Variants in ERI1 observed in about 807,000 individuals in gnomAD.
ERI1 encodes the protein 3'-5' exoribonuclease 1.
ERI1 carries 39 observed loss-of-function variants against 39.7 expected under a neutral mutation model. The ratio of observed to expected loss-of-function variants is 0.98; its 90% confidence interval spans 0.76 to 1.28. ERI1 has a LOEUF of 1.28. ERI1 is among the 50% of genes most tolerant of loss of function. The pLI, the probability that ERI1 is intolerant of heterozygous loss-of-function variation, is 0.00. For synonymous variants in ERI1, 204 were observed against 149.6 expected (o/e 1.36, Z -2.65); for missense variants, 581 against 416.9 (o/e 1.39, Z -3.43).
intron 1 of ERI1, among the ~76,000 whole-genome samples, chr8:9,007,540 C>A (rs572311533): frequency 1.4e-4 from 21 of 152,270 alleles, no homozygotes; most frequent in Non-Finnish European, 2.1e-4. Context: ...CACATAATCT[C>A]ATTTAATCTT....
At chr8:9,015,532 C>G (rs1421458770) in intron 3 of ERI1, among the ~76,000 whole-genome samples, 3 of 151,748 alleles carry the variant, frequency 2.0e-5, no homozygotes, top group Non-Finnish European at 2.9e-5. Context: ...ACCATCCTGG[C>G]TAACATGGTG....
chr8:9,028,572 C>T (rs1345444385), intron 6 of ERI1, among the ~76,000 whole-genome samples: 2 of 152,054 alleles, frequency 1.3e-5, no homozygotes, highest in African/African-American at 2.4e-5. Flanking sequence ...GTACAAACTA[C>T]AGAATGTAAA....
At chr8:9,003,279 C>T (rs548979257) in intron 1 of ERI1, 108 bp downstream of exon 1, 1 of 618,726 alleles carries the variant, frequency 1.6e-6, no homozygotes, top group South Asian at 8.6e-5. Context: ...AGCTGTGCGC[C>T]CTTGGACCCC....
intron 2 of ERI1, among the ~76,000 whole-genome samples, chr8:9,010,503 T>G (rs1252632759): frequency 6.6e-6 from 1 of 152,178 alleles, no homozygotes; most frequent in Non-Finnish European, 1.5e-5. Context: ...ATTATTACTA[T>G]TTTCATGGGT....
chr8:9,019,396 C>T (rs1216430641), intron 5 of ERI1, among the ~76,000 whole-genome samples: 1 of 152,110 alleles, frequency 6.6e-6, no homozygotes, highest in Non-Finnish European at 1.5e-5. Context: ...GTTTATGGAC[C>T]TCTTTAGAAA....
At chr8:9,061,893 G>T (rs1035437103) in intron 3 of ERI1, among the ~76,000 whole-genome samples, 1 of 151,736 alleles carries the variant, frequency 6.6e-6, no homozygotes, top group Admixed American at 6.6e-5. Context: ...CTGGGATGAA[G>T]GGTGCAAAGG....
intron 3 of ERI1, among the ~76,000 whole-genome samples, chr8:9,062,951 G>C (rs1261558421): frequency 6.6e-6 from 1 of 152,148 alleles, no homozygotes; most frequent in Non-Finnish European, 1.5e-5. Flanking sequence ...CTGCGGTTCA[G>C]GTGTTTGGAG....
At chr8:9,042,451 C>A (rs1308079220) in intron 3 of ERI1, among the ~76,000 whole-genome samples, 2 of 152,182 alleles carry the variant, frequency 1.3e-5, no homozygotes, top group East Asian at 3.8e-4. Context: ...AACTGCTACG[C>A]CCTCTCCCGC....
chr8:9,090,579 G>A (rs962398461), intron 3 of ERI1, among the ~76,000 whole-genome samples: 5 of 152,112 alleles, frequency 3.3e-5, no homozygotes, highest in Non-Finnish European at 1.5e-5. Context: ...GTTTTTAAAT[G>A]GAAAAAGTTA....
intron 3 of ERI1, chr8:9,096,814 T>C (rs1643003919): frequency 7.0e-6 from 1 of 143,154 alleles, no homozygotes; most frequent in South Asian, 2.4e-4. Flanking sequence ...ACTTTTGGGC[T>C]CAAGCAATGC....
chr8:9,054,605 T>C (rs1337909180), intron 3 of ERI1, among the ~76,000 whole-genome samples: 1 of 152,162 alleles, frequency 6.6e-6, no homozygotes, highest in East Asian at 1.9e-4. Flanking sequence ...TACATTTAGG[T>C]TCAAGGAAGC....
intron 3 of ERI1, among the ~76,000 whole-genome samples, chr8:9,052,227 T>C (rs34324755): frequency 6.6e-6 from 1 of 152,238 alleles, no homozygotes; most frequent in East Asian, 1.9e-4. Context: ...CTGCTCCTAG[T>C]ACACTTCCTG....
At chr8:9,010,202 C>G (rs1325968084) in intron 2 of ERI1, among the ~76,000 whole-genome samples, 1 of 152,158 alleles carries the variant, frequency 6.6e-6, no homozygotes, top group Non-Finnish European at 1.5e-5. Context: ...TTAAAGATAG[C>G]AGGTTTCTAT....
chr8:9,037,156 G>A (rs1797876152), downstream of ERI1, among the ~76,000 whole-genome samples: 1 of 152,134 alleles, frequency 6.6e-6, no homozygotes, highest in East Asian at 1.9e-4. Context: ...CATTTCTGAT[G>A]GGATAAAACT....
rs1181972502 is a variant in ERI1, at chr8:9,048,425, A to G, written n.299+27961A>G. On this transcript the variant is annotated intron_variant and non_coding_transcript_variant, in intron 3 of 3. Coordinates refer to the ERI1 transcript ENST00000518663. ...ATTGATAGTTTAAAAAACGTCCTTA[A>G]GAAGAAGAAAGACAGCCAAACTCCT... 5 of 154,162 alleles carry G rather than the reference A, an allele frequency of 3.2e-5. 1 individual carries two copies. Among genetic ancestry groups the G allele is most frequent in the Non-Finnish European group, 7.3e-5 (5 of 68,074 alleles). The allele number at this position is 154,162 out of a possible 1,614,324, so 9.5% of individuals were successfully genotyped here.
In ERI1 at chr8:9,033,206, G is replaced by GC. The variant is rs1323283187; in HGVS notation, c.*3172_*3173insC. On this transcript the variant is annotated 3_prime_UTR_variant, in exon 7 of 7. Transcript: ENST00000250263. ...AAACTACCACCCATGGGCCAAATCT[G>GC]GCTGCTGCCTATTTTTGTATGGCCT... The GC allele has an allele frequency of 0.06, 20 of 332 alleles. No homozygotes were observed. Among genetic ancestry groups the GC allele is most frequent in the African/African-American group, 0.16 (20 of 124 alleles). 0.0% of individuals were successfully genotyped at this position (332 alleles called of 1,614,324 possible).
At chr8:9,036,122 G>C (rs1797837551), downstream of ERI1, among the ~76,000 whole-genome samples, 1 of 152,204 alleles carries the variant, frequency 6.6e-6, no homozygotes, top group Non-Finnish European at 1.5e-5. Flanking sequence ...TGAAGATGCT[G>C]TAAACATTCT....
chr8:9,076,592 A>G (rs529953091), intron 3 of ERI1, among the ~76,000 whole-genome samples: 24 of 151,340 alleles, frequency 1.6e-4, no homozygotes, highest in African/African-American at 5.5e-4. Context: ...TGGCCCATCA[A>G]GAGTTTGTTT....
chr8:9,067,966 ATAT>A (rs1798935128), intron 3 of ERI1, among the ~76,000 whole-genome samples: 1 of 152,084 alleles, frequency 6.6e-6, no homozygotes, highest in Non-Finnish European at 1.5e-5. Flanking sequence ...ACACACACAA[ATAT>A]TATATAACAT....
Sources: gnomAD v4.1 joint callset for allele counts (sites outside exome capture counted in the v4.1 genomes callset) on GRCh38, gnomAD v4.1.1 for gene constraint, MANE v1.5 for transcripts, NCBI Gene and HGNC (gene_info 2026-07-23, HGNC 2026-07-21) for gene names.